GNA14: variants seen among roughly 807,000 people sequenced by gnomAD.
GNA14 encodes guanine nucleotide-binding protein subunit alpha-14.
A neutral mutation model predicts 42.0 loss-of-function variants in GNA14; 50 were observed. The observed-to-expected ratio is 1.19, with a 90% CI of 0.95 to 1.51. The LOEUF (loss-of-function observed/expected upper bound fraction) is 1.51. GNA14 is among the 40% of genes most tolerant of loss of function. The probability of loss-of-function intolerance (pLI) is 0.00; values close to 1 mark genes in which losing one functional copy is unlikely to be tolerated. For missense variants in GNA14, 473 were observed against 446.2 expected, an observed-to-expected ratio of 1.06 and a Z score of -0.54; for synonymous variants, 173 against 163.1, an observed-to-expected ratio of 1.06 and a Z score of -0.46.
At chr9:77,504,550 G>A (rs145089206) in intron 2 of GNA14, among the ~76,000 whole-genome samples, 9 of 36,436 alleles carry the variant, frequency 2.5e-4, no homozygotes, top group African/African-American at 1.4e-3. Flanking sequence ...AAAAAAAAAA[G>A]AGAGAGAGAG....
chr9:77,541,198 G>T (rs909891088), intron 1 of GNA14, among the ~76,000 whole-genome samples: 3 of 152,032 alleles, frequency 2.0e-5, no homozygotes, highest in Non-Finnish European at 4.4e-5. Flanking sequence ...GGACTTCTTT[G>T]TGCCTTTCTT....
At chr9:77,501,174 C>G (rs560550560) in intron 2 of GNA14, among the ~76,000 whole-genome samples, 1 of 152,190 alleles carries the variant, frequency 6.6e-6, no homozygotes, top group South Asian at 2.1e-4. Context: ...AGGCTGGTTT[C>G]AAACTCCTGA....
Position 77,600,397 on chromosome 9 carries a change from T to C in GNA14, c.124+47273A>G, listed in dbSNP as rs369319503. Among the ~76,000 whole-genome samples the C allele has an allele frequency of 4.6e-5, 7 of 152,224 alleles. No homozygotes were observed. In the East Asian group the frequency reaches 7.7e-4, roughly 17 times the overall value. Reference sequence around the variant, plus strand: ...TTTTCTTGTGAAACTGTGAGAGCAATTGATTTCTCCTTTAACTGCTACCTG... The same window carrying C: ...TTTTCTTGTGAAACTGTGAGAGCAACTGATTTCTCCTTTAACTGCTACCTG... On this transcript the variant is annotated intron_variant, in intron 1 of 6. Coordinates refer to ENST00000341700, the MANE Select transcript of GNA14 (RefSeq NM_004297.4).
intron 1 of GNA14, among the ~76,000 whole-genome samples, chr9:77,617,082 G>A (rs1370515159): frequency 6.6e-6 from 1 of 151,960 alleles, no homozygotes; most frequent in African/African-American, 2.4e-5. Context: ...ATGTTAGCCA[G>A]GATGGTCTCG....
chr9:77,560,707 C>A (rs1201820987), intron 1 of GNA14, among the ~76,000 whole-genome samples: 1 of 152,148 alleles, frequency 6.6e-6, no homozygotes, highest in Non-Finnish European at 1.5e-5. Context: ...ACAGCTACTT[C>A]AACAATGGAT....
intron 2 of GNA14, among the ~76,000 whole-genome samples, chr9:77,501,713 CT>C (rs71358606): frequency 6.4e-4 from 83 of 130,390 alleles, no homozygotes; most frequent in Middle Eastern, 4.2e-3. Flanking sequence ...TGGATAATTT[CT>C]TTTTTTTTTT....
chr9:77,553,575 G>A (rs1176757043), intron 1 of GNA14, among the ~76,000 whole-genome samples: 1 of 152,144 alleles, frequency 6.6e-6, no homozygotes, highest in Non-Finnish European at 1.5e-5. Flanking sequence ...TCATTATCAT[G>A]GAGTGCAAAT....
At chr9:77,543,998 T>C (rs1234782574) in intron 1 of GNA14, among the ~76,000 whole-genome samples, 1 of 152,186 alleles carries the variant, frequency 6.6e-6, no homozygotes, top group African/African-American at 2.4e-5. Flanking sequence ...AATATGGTAT[T>C]CCTAAAAAAA....
At chr9:77,519,394 C>A (rs564585342) in intron 2 of GNA14, among the ~76,000 whole-genome samples, 1 of 151,920 alleles carries the variant, frequency 6.6e-6, no homozygotes, top group South Asian at 2.1e-4. Context: ...CTGGGTGACA[C>A]GGCGAGACTC....
rs534029953 is a variant in GNA14, at chr9:77,605,803, G to A, written c.124+41867C>T. Among the ~76,000 whole-genome samples, 8 of 152,240 alleles carry A rather than the reference G, an allele frequency of 5.3e-5. No individual in the cohort carries two copies. The East Asian group carries it at 5.8e-4, about 11-fold the overall frequency. On this transcript the variant is annotated intron_variant, in intron 1 of 6. Transcript: ENST00000341700. ...GAATCTTTTCTAGTTAGCAAGTTTCGCCCCTTAGTCTCAGTTACCTCAGCT... is the reference window on the plus strand; with the variant it reads ...GAATCTTTTCTAGTTAGCAAGTTTCACCCCTTAGTCTCAGTTACCTCAGCT...
chr9:77,506,190 G>A (rs915695423), intron 2 of GNA14, among the ~76,000 whole-genome samples: 1 of 151,646 alleles, frequency 6.6e-6, no homozygotes, highest in Non-Finnish European at 1.5e-5. Context: ...GCTGAGGTGG[G>A]AGGATTGCTT....
chr9:77,425,073 G>C (rs1835433470), intron 6 of GNA14, among the ~76,000 whole-genome samples: 1 of 152,130 alleles, frequency 6.6e-6, no homozygotes, highest in African/African-American at 2.4e-5. Flanking sequence ...GAAGCACCAG[G>C]TGCTCTGACT....
chr9:77,464,351 ATGTGTGTGTGTGTGTGTGTG>A (rs35743834), intron 2 of GNA14, among the ~76,000 whole-genome samples: 1 of 144,706 alleles, frequency 6.9e-6, no homozygotes, highest in Non-Finnish European at 1.5e-5. Context: ...GTGTGTGTAT[ATGTGTGTGTGTGTGTGTGTG>A]TGTGTGTGTG....
At chr9:77,500,026 CT>C (rs55823602) in intron 2 of GNA14, among the ~76,000 whole-genome samples, 354 of 143,080 alleles carry the variant, frequency 2.5e-3, no homozygotes, top group African/African-American at 4.3e-3. Flanking sequence ...AATTTCTTTT[CT>C]TTTTTTTTTT....
intron 2 of GNA14, among the ~76,000 whole-genome samples, chr9:77,511,524 C>G (rs911236180): frequency 6.6e-6 from 1 of 152,152 alleles, no homozygotes; most frequent in East Asian, 1.9e-4. Context: ...CCCCTTTTTC[C>G]TCTTGTGTTT....
intron 1 of GNA14, among the ~76,000 whole-genome samples, chr9:77,552,725 A>C (rs1837800332): frequency 6.6e-6 from 1 of 152,222 alleles, no homozygotes; most frequent in South Asian, 2.1e-4. Flanking sequence ...AAACAAGGAT[A>C]AATTTTAATA....
intron 1 of GNA14, among the ~76,000 whole-genome samples, chr9:77,583,545 TTC>T (rs1169710052): frequency 6.6e-6 from 1 of 152,148 alleles, no homozygotes; most frequent in Non-Finnish European, 1.5e-5. Context: ...TTCAGATGAT[TTC>T]TGTTTGACTC....
intron 2 of GNA14, among the ~76,000 whole-genome samples, chr9:77,505,440 AT>A (rs1373972479): frequency 6.6e-5 from 10 of 152,166 alleles, no homozygotes; most frequent in African/African-American, 2.4e-4. Flanking sequence ...TGTATTGTAA[AT>A]TACCAGTCTA....
At chr9:77,455,314 A>G (rs1835979936) in intron 2 of GNA14, among the ~76,000 whole-genome samples, 1 of 152,190 alleles carries the variant, frequency 6.6e-6, no homozygotes, top group Non-Finnish European at 1.5e-5. Context: ...CTTGAACTCT[A>G]GATCTTCTTT....
Sources: gnomAD v4.1 joint callset for allele counts (sites outside exome capture counted in the v4.1 genomes callset) on GRCh38, gnomAD v4.1.1 for gene constraint, MANE v1.5 for transcripts, NCBI Gene and HGNC (gene_info 2026-07-23, HGNC 2026-07-21) for gene names.